Variants in SUSD5 observed in about 807,000 individuals in gnomAD.
SUSD5 encodes the protein sushi domain containing 5, also known as sushi domain-containing protein 5.
SUSD5 carries 33 observed loss-of-function variants against 29.5 expected under a neutral mutation model. The observed-to-expected ratio is 1.12, with a 90% CI of 0.85 to 1.49. SUSD5 has a LOEUF of 1.49. Ranked by LOEUF, SUSD5 falls within the 40% of genes most tolerant of loss-of-function variation. The pLI, the probability that SUSD5 is intolerant of heterozygous loss-of-function variation, is 0.00. For synonymous variants in SUSD5, 308 were observed against 325.3 expected (o/e 0.95, Z 0.57); for missense variants, 776 against 800.6 (o/e 0.97, Z 0.37).
chr3:33,160,389 T>G (rs2031158123), intron 4 of SUSD5, among the ~76,000 whole-genome samples: 1 of 134,614 alleles, frequency 7.4e-6, no homozygotes. Context: ...AGACTTCATC[T>G]CTTAAAAAAA....
intron 4 of SUSD5, among the ~76,000 whole-genome samples, chr3:33,159,400 C>T (rs771979551): frequency 1.8e-4 from 28 of 152,308 alleles, no homozygotes; most frequent in Middle Eastern, 3.4e-3. Flanking sequence ...ACCTCTGCTC[C>T]GGCTTCTTCC....
chr3:33,192,045 G>C (rs1041637165), intron 3 of SUSD5, among the ~76,000 whole-genome samples: 4 of 151,842 alleles, frequency 2.6e-5, no homozygotes, highest in African/African-American at 9.7e-5. Context: ...CAATTTTACA[G>C]GCTGAAAAAG....
chr3:33,186,337 T>A (rs769148721), intron 3 of SUSD5, among the ~76,000 whole-genome samples: 49 of 151,246 alleles, frequency 3.2e-4, no homozygotes, highest in Admixed American at 1.7e-3. Context: ...TGAGAAATGA[T>A]GAAAATAGAA....
rs371935462 is a variant in SUSD5 at position 33,173,875 on chromosome 3, A to G, written c.598+1011T>C. Among the ~76,000 whole-genome samples, 61 of 152,290 alleles carry G rather than the reference A, an allele frequency of 4.0e-4. No homozygotes were observed. In the South Asian group the frequency reaches 7.7e-3, roughly 19 times the overall value. Reference sequence around the variant, plus strand: ...CCAGGTCAGCCATGGGGCTGCCCCAATCGCCTGCTGGCTGCTGCGTCCCTG... The same window carrying G: ...CCAGGTCAGCCATGGGGCTGCCCCAGTCGCCTGCTGGCTGCTGCGTCCCTG... On this transcript the variant is annotated intron_variant, in intron 4 of 4. Transcript: ENST00000309558.
chr3:33,209,771 C>T (rs1158882499), intron 2 of SUSD5, among the ~76,000 whole-genome samples: 1 of 152,028 alleles, frequency 6.6e-6, no homozygotes, highest in Non-Finnish European at 1.5e-5. Context: ...CCTCAGCCTC[C>T]CAAGTAGCTG....
chr3:33,158,411 G>C (rs1313705628), intron 4 of SUSD5, among the ~76,000 whole-genome samples: 1 of 152,250 alleles, frequency 6.6e-6, no homozygotes, highest in Admixed American at 6.5e-5. Context: ...TGGCTGGTGA[G>C]AGCATCTCTT....
Position 33,153,214 on chromosome 3 carries a change from G to C in SUSD5, c.1418C>G (p.Pro473Arg), listed in dbSNP as rs2030956172. Residue 473 changes from proline to arginine, a missense_variant, in exon 5 of 5, where the codon CCC (proline) becomes CGC (arginine). Pro to Arg is a moderately radical substitution (Grantham distance 103, BLOSUM62 -2). Transcript: ENST00000309558. The part of the protein sequence containing the change: ...GDLTKYQSTL[P>R]WRFITEESPM... ...AGATTCCTCTGTGATGAATCTCCAGGGTAGAGTTGACTGGTACTTCGTCAA... is the reference window on the plus strand; with the variant it reads ...AGATTCCTCTGTGATGAATCTCCAGCGTAGAGTTGACTGGTACTTCGTCAA... 1 of 1,613,626 alleles carries C rather than the reference G, an allele frequency of 6.2e-7. No homozygotes were observed. Among genetic ancestry groups the C allele is most frequent in the South Asian group, 1.1e-5 (1 of 91,056 alleles).
intron 3 of SUSD5, among the ~76,000 whole-genome samples, chr3:33,202,902 G>A (rs2032146967): frequency 6.6e-6 from 1 of 152,152 alleles, no homozygotes; most frequent in African/African-American, 2.4e-5. Flanking sequence ...TTCCTTCTGG[G>A]CTCTTTATGA....
At chr3:33,196,353 G>C (rs1559454133) in intron 3 of SUSD5, among the ~76,000 whole-genome samples, 1 of 152,216 alleles carries the variant, frequency 6.6e-6, no homozygotes, top group Non-Finnish European at 1.5e-5. Flanking sequence ...AGCTAGCAGA[G>C]CTGGGAACAC....
intron 4 of SUSD5, among the ~76,000 whole-genome samples, chr3:33,160,565 G>A (rs895330429): frequency 2.6e-5 from 4 of 151,924 alleles, no homozygotes; most frequent in Admixed American, 6.6e-5. Context: ...GTCCCCTTAC[G>A]GCCACCATTC....
At chr3:33,210,791 A>T (rs928060655) in intron 2 of SUSD5, among the ~76,000 whole-genome samples, 2 of 152,236 alleles carry the variant, frequency 1.3e-5, no homozygotes, top group African/African-American at 4.8e-5. Context: ...AATATGTTTT[A>T]AAAAATAAAT....
At chr3:33,213,871 A>C in intron 2 of SUSD5, 57 bp downstream of exon 2, 1 of 1,533,806 alleles carries the variant, frequency 6.5e-7, no homozygotes, top group Non-Finnish European at 8.8e-7. Context: ...TGAGTCCTAT[A>C]TAAGCCTTGG....
chr3:33,180,839 CA>C (rs150992682), intron 3 of SUSD5, among the ~76,000 whole-genome samples: 24,361 of 144,392 alleles, frequency 0.17, 2,128 homozygotes, highest in South Asian at 0.26. Flanking sequence ...GACTTTGCCT[CA>C]AAAAAAAAAT....
chr3:33,157,534 G>T (rs1205921676), intron 4 of SUSD5, among the ~76,000 whole-genome samples: 1 of 152,172 alleles, frequency 6.6e-6, no homozygotes, highest in Non-Finnish European at 1.5e-5. Context: ...TACTGGCTGT[G>T]GAAGACAGAC....
At chr3:33,172,180 AACACACACACACACACACACAC>A (rs10576154) in intron 4 of SUSD5, among the ~76,000 whole-genome samples, 2 of 148,448 alleles carry the variant, frequency 1.3e-5, no homozygotes, top group Non-Finnish European at 3.0e-5. Context: ...ACTCTTGTAA[AACACACACACACACACACACAC>A]ACACACACAC....
intron 3 of SUSD5, among the ~76,000 whole-genome samples, chr3:33,206,378 A>G (rs1348539256): frequency 6.6e-6 from 1 of 150,782 alleles, no homozygotes; most frequent in African/African-American, 2.4e-5. Flanking sequence ...CCATCTCAAA[A>G]TAAATAAATA....
Position 33,154,009 on chromosome 3 carries a change from T to C in SUSD5, c.623A>G (p.Tyr208Cys), listed in dbSNP as rs1559442712. The change falls in exon 5 of 5, where the codon TAT becomes TGT. Residue 208 changes from tyrosine to cysteine, a missense_variant. Transcript: ENST00000309558. ...GKDEAEAHIDYEDNFPDDRSV... is the reference protein window; with the variant it reads ...GKDEAEAHIDCEDNFPDDRSV... ...TCTGTCATCAGGGAAGTTATCTTCA[T>C]AGTCAATGTGTGCCTCAGCCTCATC... 13 of 1,600,314 alleles carry C rather than the reference T, an allele frequency of 8.1e-6. No homozygotes were observed. Among genetic ancestry groups the C allele is most frequent in the Non-Finnish European group, 1.0e-5 (12 of 1,175,458 alleles).
intron 3 of SUSD5, among the ~76,000 whole-genome samples, chr3:33,183,085 A>G (rs7630707): frequency 0.15 from 23,259 of 152,004 alleles, 2,038 homozygotes; most frequent in South Asian, 0.28. Flanking sequence ...GTGAGCCACC[A>G]CACCCAGCTC....
chr3:33,173,567 GCAA>G (rs2031482188), intron 4 of SUSD5, among the ~76,000 whole-genome samples: 1 of 152,214 alleles, frequency 6.6e-6, no homozygotes, highest in African/African-American at 2.4e-5. Flanking sequence ...ACAGCTTCAG[GCAA>G]CAACGTGAAT....
Sources: allele counts gnomAD v4.1 joint callset (sites outside exome capture counted in the v4.1 genomes callset), GRCh38; gene constraint gnomAD v4.1.1; transcripts MANE v1.5; gene names NCBI Gene and HGNC (gene_info 2026-07-23, HGNC 2026-07-21).